STK10: variants seen among roughly 807,000 people sequenced by gnomAD.
The protein encoded by STK10 is serine/threonine-protein kinase 10.
A neutral mutation model predicts 113.8 loss-of-function variants in STK10; 78 were observed. The ratio of observed to expected loss-of-function variants is 0.69; its 90% CI spans 0.57 to 0.83. STK10 has a LOEUF of 0.83. Among genes scored for constraint, STK10 ranks in the 40% least tolerant of loss-of-function variants. The pLI is 0.00. For synonymous variants in STK10, 465 were observed against 494.7 expected (o/e 0.94, Z 0.80); for missense variants, 1,109 against 1,280.1 (o/e 0.87, Z 2.04).
intron 2 of STK10, among the ~76,000 whole-genome samples, chr5:172,151,650 A>C (rs10072216): frequency 0.57 from 86,711 of 151,798 alleles, 27,017 homozygotes; most frequent in African/African-American, 0.85. Context: ...GGCCCACTTC[A>C]CAATTTTATA....
At chr5:172,101,744 G>A (rs776182220) in intron 7 of STK10, among the ~76,000 whole-genome samples, 8 of 152,192 alleles carry the variant, frequency 5.3e-5, no homozygotes, top group Non-Finnish European at 1.0e-4. Context: ...GTGGGTGGTT[G>A]GGGGAGGCCT....
chr5:172,141,214 C>T (rs35249764), intron 2 of STK10, among the ~76,000 whole-genome samples: 12,016 of 152,204 alleles, frequency 0.079, 613 homozygotes, highest in South Asian at 0.15. Context: ...CTATGGTCTG[C>T]ACAATGTGCT....
rs760871549 is a variant in STK10 at position 172,107,782 on chromosome 5, G to A, written c.591C>T (p.Tyr197=). Residue 197 remains tyrosine, a splice_region_variant and synonymous_variant, in exon 5 of 19, where the codon TAC becomes TAT. Coordinates refer to ENST00000176763, the MANE Select transcript of STK10 (RefSeq NM_005990.4). ...TTTCCAGAAGCTACACGACTCACCAGTAAGGCGTGCCGATGAAGGAATCTC... is the reference window on the plus strand; with the variant it reads ...TTTCCAGAAGCTACACGACTCACCAATAAGGCGTGCCGATGAAGGAATCTC... ...QKRDSFIGTP[Y]WMAPEVVMCE... 2 of 1,614,076 alleles carry A rather than the reference G, an allele frequency of 1.2e-6. No individual in the cohort carries two copies. Among genetic ancestry groups the A allele is most frequent in the South Asian group, 2.2e-5 (2 of 91,074 alleles).
At chr5:172,112,840 G>A (rs1423843901) in intron 4 of STK10, among the ~76,000 whole-genome samples, 3 of 151,422 alleles carry the variant, frequency 2.0e-5, no homozygotes, top group African/African-American at 7.3e-5. Flanking sequence ...TCCACCTTCC[G>A]GGTTCAAGCA....
chr5:172,050,307 C>T (rs1767597944), intron 18 of STK10, among the ~76,000 whole-genome samples: 3 of 152,132 alleles, frequency 2.0e-5, no homozygotes, highest in Non-Finnish European at 4.4e-5. Flanking sequence ...GTCTAGAGAT[C>T]CTGTTCTTGT....
intron 2 of STK10, among the ~76,000 whole-genome samples, chr5:172,130,153 AC>A (rs372050601): frequency 6.6e-6 from 1 of 152,078 alleles, no homozygotes; most frequent in Non-Finnish European, 1.5e-5. Flanking sequence ...GCCTTGGACA[AC>A]CGCCAATCCT....
chr5:172,144,257 G>A (rs896393777), intron 2 of STK10, among the ~76,000 whole-genome samples: 1 of 152,216 alleles, frequency 6.6e-6, no homozygotes, highest in African/African-American at 2.4e-5. Context: ...GTGTAGCCAC[G>A]GGCAAGCTGC....
intron 7 of STK10, among the ~76,000 whole-genome samples, chr5:172,100,488 T>G (rs1213754017): frequency 6.6e-6 from 1 of 152,102 alleles, no homozygotes; most frequent in Non-Finnish European, 1.5e-5. Flanking sequence ...AAGATGGGCT[T>G]TAAAAAACGC....
chr5:172,056,954 G>GGAAAGAAAGAAAGAAAGAAGGAAAGAAA (rs1767796285), intron 15 of STK10: 1 of 78,966 alleles, frequency 1.3e-5, no homozygotes, highest in Non-Finnish European at 2.4e-5. Flanking sequence ...AAAGAAAGAA[G>GGAAAGAAAGAAAGAAAGAAGGAAAGAAA]GAAAGAAAGA....
At chr5:172,090,198 T>A in intron 10 of STK10, 34 bp downstream of exon 10, 1 of 1,611,952 alleles carries the variant, frequency 6.2e-7, no homozygotes, top group Non-Finnish European at 8.5e-7. Flanking sequence ...AGCCCCACCC[T>A]GTTACCACCA....
intron 1 of STK10, among the ~76,000 whole-genome samples, chr5:172,181,912 A>G (rs1770862812): frequency 1.3e-5 from 2 of 152,180 alleles, no homozygotes; most frequent in African/African-American, 4.8e-5. Flanking sequence ...ATATATCAAC[A>G]TGTCAACAGA....
In STK10 at chr5:172,127,392, G is replaced by A. The variant is rs62641681; in HGVS notation, c.351C>T (p.Ala117=). Residue 117 remains alanine (A), a synonymous_variant, in exon 3 of 19, where the codon GCC becomes GCT. Transcript: ENST00000176763. ...ACTCACCCAGCATGATGGCGTCCAC[G>A]GCTCCCCCTGGACAGAACTCAATCA... is the stretch of plus-strand genomic sequence containing the variant. ...WIMIEFCPGG[A]VDAIMLELDR... The A allele has an allele frequency of 3.4e-3, 5,522 of 1,613,844 alleles. 135 individuals are homozygous for A. The African/African-American group carries it at 0.055, about 16-fold the overall frequency.
chr5:172,086,139 T>C (rs1440592153), intron 10 of STK10, among the ~76,000 whole-genome samples: 2 of 152,162 alleles, frequency 1.3e-5, no homozygotes, highest in African/African-American at 4.8e-5. Flanking sequence ...TTGGGTCCTT[T>C]GAAGGATAAA....
rs58823824 is a variant in STK10, at chr5:172,078,619, T to TAAA, written c.1989+3704_1989+3706dup. Reference sequence around the variant, plus strand: ...TGCCACTGCATTCCAGCCTCATCATTAAAAAAAAAAAAAAAAAAAAAAAAA... The same window carrying TAAA: ...TGCCACTGCATTCCAGCCTCATCATTAAAAAAAAAAAAAAAAAAAAAAAAAAAA... On this transcript the variant is annotated intron_variant, in intron 12 of 18. Transcript: ENST00000176763. Among the ~76,000 whole-genome samples, 90 of 72,816 alleles carry TAAA rather than the reference T, an allele frequency of 1.2e-3. 2 individuals carry two copies. Among genetic ancestry groups the TAAA allele is most frequent in the African/African-American group, 3.2e-3 (87 of 27,390 alleles). 47.8% of individuals were successfully genotyped at this position (72,816 alleles called of 152,430 possible).
intron 2 of STK10, among the ~76,000 whole-genome samples, chr5:172,144,595 A>AC (rs141533610): frequency 2.0e-5 from 3 of 149,212 alleles, no homozygotes; most frequent in African/African-American, 7.4e-5. Flanking sequence ...GGCAGCCTAC[A>AC]CCCCCAGGCC....
intron 1 of STK10, 80 bp from the exon 2 acceptor site, chr5:172,156,868 A>C: frequency 1.3e-6 from 2 of 1,508,286 alleles, no homozygotes; most frequent in Non-Finnish European, 1.8e-6. Flanking sequence ...GCAGTCCTGC[A>C]TGAGTGTGAA....
intron 3 of STK10, among the ~76,000 whole-genome samples, chr5:172,119,863 C>CAA (rs1769471153): frequency 7.2e-6 from 1 of 138,368 alleles, no homozygotes; most frequent in Admixed American, 7.0e-5. Context: ...GACTCCATCT[C>CAA]AAAAAATAAA....
chr5:172,107,926 G>T, intron 4 of STK10, 74 bp from the exon 5 acceptor site: 5 of 1,321,610 alleles, frequency 3.8e-6, no homozygotes, highest in Non-Finnish European at 5.4e-6. Flanking sequence ...GGACTCAGGG[G>T]TACACATTCC....
At chr5:172,117,424 C>T (rs1769411491) in intron 4 of STK10, 57 bp downstream of exon 4, 7 of 1,596,750 alleles carry the variant, frequency 4.4e-6, no homozygotes, top group African/African-American at 1.3e-5. Context: ...AGAGGCCAGG[C>T]CAACACCCCC....
Sources: allele counts gnomAD v4.1 joint callset (sites outside exome capture counted in the v4.1 genomes callset), GRCh38; gene constraint gnomAD v4.1.1; transcripts MANE v1.5; gene names NCBI Gene and HGNC (gene_info 2026-07-23, HGNC 2026-07-21).